The following DAP variants were observed in gnomAD, a reference collection of about 807,000 sequenced individuals.
The protein encoded by DAP is death-associated protein 1.
In DAP, 8 loss-of-function variants were observed where a neutral mutation model predicts 13.8. That is an observed-to-expected ratio of 0.58 (90% CI 0.34 to 1.05). The LOEUF is 1.05. Among genes scored for constraint, DAP ranks in the 50% least tolerant of loss-of-function variants. The pLI, the probability that DAP is intolerant of heterozygous loss-of-function variation, is 0.03. For synonymous variants in DAP, 47 were observed against 47.5 expected, an observed-to-expected ratio of 0.99 and a Z score of 0.04; for missense variants, 106 against 133.2, an observed-to-expected ratio of 0.80 and a Z score of 1.01.
chr5:10,744,206 A>G (rs7720903), intron 2 of DAP, among the ~76,000 whole-genome samples: 2,235 of 152,324 alleles, frequency 0.015, 42 homozygotes, highest in African/African-American at 0.047. Flanking sequence ...TTGCAAATGT[A>G]CATCTATAGC....
chr5:10,713,886 TC>T (rs1372575557), intron 2 of DAP, among the ~76,000 whole-genome samples: 2 of 152,198 alleles, frequency 1.3e-5, no homozygotes, highest in Non-Finnish European at 2.9e-5. Flanking sequence ...GCAGTCAAGA[TC>T]CCATCAGGCT....
At chr5:10,696,795 C>G (rs1292232295) in intron 2 of DAP, among the ~76,000 whole-genome samples, 1 of 152,174 alleles carries the variant, frequency 6.6e-6, no homozygotes, top group African/African-American at 2.4e-5. Flanking sequence ...AGCGGGCCCA[C>G]CTTGAGTTTC....
At chr5:10,720,810 A>G (rs1156723509) in intron 2 of DAP, among the ~76,000 whole-genome samples, 1 of 152,266 alleles carries the variant, frequency 6.6e-6, no homozygotes, top group Non-Finnish European at 1.5e-5. Context: ...AGATGGCATC[A>G]TGGCAGAAAT....
chr5:10,708,459 ACACACG>A (rs984723003), intron 2 of DAP, among the ~76,000 whole-genome samples: 21 of 150,236 alleles, frequency 1.4e-4, no homozygotes, highest in African/African-American at 3.7e-4. Flanking sequence ...ACACACACAC[ACACACG>A]CACATATCTC....
chr5:10,713,268 G>A (rs72742375), intron 2 of DAP, among the ~76,000 whole-genome samples: 6,094 of 152,324 alleles, frequency 0.04, 169 homozygotes, highest in Non-Finnish European at 0.063. Context: ...GGGCAAGACT[G>A]AGACAAGGTG....
At chr5:10,693,124 G>GCACACACACACACACA (rs10596228) in intron 2 of DAP, among the ~76,000 whole-genome samples, 17 of 148,972 alleles carry the variant, frequency 1.1e-4, no homozygotes, top group African/African-American at 3.9e-4. Context: ...ACATGCACAC[G>GCACACACACACACACA]CACACACACA....
intron 2 of DAP, among the ~76,000 whole-genome samples, chr5:10,710,171 C>T (rs1406532973): frequency 6.6e-6 from 1 of 152,246 alleles, no homozygotes; most frequent in Non-Finnish European, 1.5e-5. Flanking sequence ...AACAATCCAG[C>T]CCCGAAGCCT....
chr5:10,713,744 C>A (rs1020625242), intron 2 of DAP, among the ~76,000 whole-genome samples: 2 of 152,204 alleles, frequency 1.3e-5, no homozygotes. Context: ...TGTGCTCTGG[C>A]GGGGAAGCGG....
At chr5:10,749,503 T>A (rs1739992223) in intron 1 of DAP, among the ~76,000 whole-genome samples, 1 of 150,744 alleles carries the variant, frequency 6.6e-6, no homozygotes, top group Non-Finnish European at 1.5e-5. Flanking sequence ...TCCTAGTGGG[T>A]GTGAAGTGGT....
At chr5:10,705,945 G>A (rs1579795923) in intron 2 of DAP, among the ~76,000 whole-genome samples, 1 of 152,278 alleles carries the variant, frequency 6.6e-6, no homozygotes, top group East Asian at 1.9e-4. Context: ...GAGAGCCCCA[G>A]AAACAAAGCA....
intron 2 of DAP, among the ~76,000 whole-genome samples, chr5:10,691,641 T>C (rs1417057170): frequency 6.6e-6 from 1 of 152,236 alleles, no homozygotes; most frequent in Non-Finnish European, 1.5e-5. Flanking sequence ...AGATGCAACA[T>C]TATTTTCTCT....
intron 2 of DAP, among the ~76,000 whole-genome samples, chr5:10,685,475 A>G (rs1738133699): frequency 6.6e-6 from 1 of 152,108 alleles, no homozygotes; most frequent in African/African-American, 2.4e-5. Flanking sequence ...TTTGCATCCA[A>G]AGCTCAGGAA....
intron 2 of DAP, among the ~76,000 whole-genome samples, chr5:10,695,019 T>C (rs1738398130): frequency 6.6e-6 from 1 of 152,254 alleles, no homozygotes; most frequent in Non-Finnish European, 1.5e-5. Flanking sequence ...CTGCCATTTT[T>C]AGTTCTTGAA....
intron 2 of DAP, among the ~76,000 whole-genome samples, chr5:10,706,209 C>T (rs1419695565): frequency 6.6e-6 from 1 of 152,130 alleles, no homozygotes; most frequent in Non-Finnish European, 1.5e-5. Context: ...AAAATGATGG[C>T]GATACATCAA....
At chr5:10,749,855 C>A (rs1411281319) in intron 1 of DAP, among the ~76,000 whole-genome samples, 4 of 151,506 alleles carry the variant, frequency 2.6e-5, no homozygotes, top group African/African-American at 4.9e-5. Context: ...AAAAAGCCAG[C>A]CTCGCATGGT....
intron 2 of DAP, among the ~76,000 whole-genome samples, chr5:10,742,931 A>G (rs1290007760): frequency 6.6e-6 from 1 of 152,066 alleles, no homozygotes; most frequent in Non-Finnish European, 1.5e-5. Flanking sequence ...TCTACCATCC[A>G]TCCATCCATC....
chr5:10,700,638 C>T (rs1021970836), intron 2 of DAP, among the ~76,000 whole-genome samples: 5 of 152,174 alleles, frequency 3.3e-5, no homozygotes, highest in Non-Finnish European at 5.9e-5. Context: ...TGTGCCTGGG[C>T]GCTTCCATCA....
At chr5:10,750,727 C>T (rs1316019277) in intron 1 of DAP, among the ~76,000 whole-genome samples, 1 of 151,930 alleles carries the variant, frequency 6.6e-6, no homozygotes, top group African/African-American at 2.4e-5. Context: ...TTCTGAAGTC[C>T]TCTGGAGTCT....
intron 2 of DAP, among the ~76,000 whole-genome samples, chr5:10,689,810 G>T (rs1376161247): frequency 6.6e-6 from 1 of 152,164 alleles, no homozygotes; most frequent in African/African-American, 2.4e-5. Context: ...ACTCAGGATG[G>T]AAAGGCCGTG....
Sources: allele counts gnomAD v4.1 joint callset (sites outside exome capture counted in the v4.1 genomes callset), GRCh38; gene constraint gnomAD v4.1.1; transcripts MANE v1.5; gene names NCBI Gene and HGNC (gene_info 2026-07-23, HGNC 2026-07-21).